LRFN2: variants seen among roughly 807,000 people sequenced by gnomAD.
LRFN2 encodes leucine-rich repeat and fibronectin type-III domain-containing protein 2.
LRFN2 carries 18 observed loss-of-function variants against 37.3 expected under a neutral mutation model. The ratio of observed to expected loss-of-function variants is 0.48; its 90% CI spans 0.33 to 0.72. LRFN2 has a LOEUF of 0.72. Among genes scored for constraint, LRFN2 ranks in the 30% least tolerant of loss-of-function variants. LRFN2 has a pLI of 0.02. For synonymous variants in LRFN2, 556 were observed against 466.6 expected, an observed-to-expected ratio of 1.19 and a Z score of -2.47; for missense variants, 1,006 against 1,060.7, an observed-to-expected ratio of 0.95 and a Z score of 0.72.
At position 40,491,698 on chromosome 6, in the gene LRFN2, G is replaced by T. The variant is rs541570809; in HGVS notation, c.-18-58567C>A. Among the ~76,000 whole-genome samples, 196 of 142,028 alleles carry T rather than the reference G, an allele frequency of 1.4e-3. 1 individual carries two copies. Among genetic ancestry groups the T allele is most frequent in the Middle Eastern group, 7.8e-3 (2 of 258 alleles). The allele number at this position is 142,028 out of a possible 152,430, so 93.2% of individuals were successfully genotyped here. ...TAGGCAGCTTACCCTCTCTGAGTGT[G>T]TTTCCCTCACTCTATTTTGCCGTGT... On this transcript the variant is annotated intron_variant, in intron 1 of 2. Coordinates refer to ENST00000338305, the MANE Select transcript of LRFN2 (RefSeq NM_020737.3).
chr6:40,531,671 C>T (rs905750849), intron 1 of LRFN2, among the ~76,000 whole-genome samples: 12 of 152,178 alleles, frequency 7.9e-5, no homozygotes, highest in African/African-American at 2.2e-4. Flanking sequence ...TTTATGAGGC[C>T]GATTCCCATG....
chr6:40,489,874 G>A (rs144692705), intron 1 of LRFN2, among the ~76,000 whole-genome samples: 2 of 152,244 alleles, frequency 1.3e-5, no homozygotes, highest in African/African-American at 2.4e-5. Flanking sequence ...GCTGCACTCC[G>A]TAGGCATGCC....
At chr6:40,458,265 T>C (rs1764276196) in intron 1 of LRFN2, among the ~76,000 whole-genome samples, 1 of 152,208 alleles carries the variant, frequency 6.6e-6, no homozygotes, top group Non-Finnish European at 1.5e-5. Context: ...GTATAAATTA[T>C]GCCAGGTTAG....
chr6:40,557,634 C>G (rs1766914875), intron 1 of LRFN2, among the ~76,000 whole-genome samples: 1 of 152,088 alleles, frequency 6.6e-6, no homozygotes, highest in African/African-American at 2.4e-5. Context: ...GCAGAGATAC[C>G]ACAGCCAGGA....
chr6:40,562,430 T>G, intron 1 of LRFN2, among the ~76,000 whole-genome samples: 1 of 149,714 alleles, frequency 6.7e-6, no homozygotes. Context: ...ACAAGTACGG[T>G]ACAGGGGGAG....
At chr6:40,580,873 A>T (rs1767384756) in intron 1 of LRFN2, among the ~76,000 whole-genome samples, 2 of 152,190 alleles carry the variant, frequency 1.3e-5, no homozygotes, top group African/African-American at 4.8e-5. Context: ...AAGTGTGAGT[A>T]TTTGGGAGTG....
intron 1 of LRFN2, among the ~76,000 whole-genome samples, chr6:40,472,272 T>C (rs1764616077): frequency 6.6e-6 from 1 of 152,202 alleles, no homozygotes; most frequent in African/African-American, 2.4e-5. Flanking sequence ...GTCAAGACAA[T>C]TGGTCGATTC....
Position 40,392,136 on chromosome 6 carries a change from A to G in LRFN2, c.2177T>C (p.Met726Thr). Residue 726 changes from methionine to threonine, a missense_variant, in exon 3 of 3, where the codon ATG becomes ACG. Physicochemically the swap from Met to Thr is moderately conservative, Grantham distance 81. This residue lies in a region of LRFN2 where 398 missense variants were observed against 327.6 expected (regional missense o/e 1.21). Coordinates refer to ENST00000338305, the MANE Select transcript of LRFN2 (RefSeq NM_020737.3). This position sits in a 1 kb window ranked among gnomAD's most constrained non-coding sequence, Gnocchi z 4.7. The part of the protein sequence containing the change: ...GKAKRSHSFD[M>T]GDFAAAAAGG... Reference sequence around the variant, plus strand: ...CGCCGCCGCAGCAGCAAAGTCCCCCATGTCGAAGGAGTGGCTGCGTTTGGC... The same window carrying G: ...CGCCGCCGCAGCAGCAAAGTCCCCCGTGTCGAAGGAGTGGCTGCGTTTGGC... 6.2e-7 allele frequency: 1 copy of G among 1,611,720 alleles called. No homozygotes were observed. Among genetic ancestry groups the G allele is most frequent in the Non-Finnish European group, 8.5e-7 (1 of 1,178,964 alleles).
intron 1 of LRFN2, among the ~76,000 whole-genome samples, chr6:40,514,319 G>A (rs1765796154): frequency 1.3e-5 from 2 of 151,878 alleles, no homozygotes; most frequent in South Asian, 4.2e-4. Context: ...TTTTTTGTTT[G>A]TTTTGTTTTT....
rs139643646 is a variant in LRFN2, at chr6:40,578,037, T to C, written c.-19+8904A>G. On this transcript the variant is annotated intron_variant, in intron 1 of 2. Coordinates refer to ENST00000338305, the MANE Select transcript of LRFN2 (RefSeq NM_020737.3). ...GAGTGCTCCCAGCACAGCCCCGCCC[T>C]CACATAAGCATTCAACAACCCTATA... Among the ~76,000 whole-genome samples, 24 of 152,080 alleles carry C rather than the reference T, an allele frequency of 1.6e-4. 1 individual carries two copies. The highest frequency in any genetic ancestry group is 6.8e-3 in the Middle Eastern group (2 of 294).
chr6:40,476,534 G>A (rs550984567), intron 1 of LRFN2, among the ~76,000 whole-genome samples: 5 of 152,360 alleles, frequency 3.3e-5, no homozygotes, highest in African/African-American at 9.6e-5. Context: ...GTTAGCAGGG[G>A]TAGCCCCTAG....
chr6:40,452,792 G>A (rs1764141968), intron 1 of LRFN2, among the ~76,000 whole-genome samples: 1 of 151,922 alleles, frequency 6.6e-6, no homozygotes, highest in Non-Finnish European at 1.5e-5. Flanking sequence ...ACAGAGAGGA[G>A]GTCACACAAA....
At chr6:40,440,190 T>G (rs1763799143) in intron 1 of LRFN2, among the ~76,000 whole-genome samples, 1 of 152,006 alleles carries the variant, frequency 6.6e-6, no homozygotes, top group Non-Finnish European at 1.5e-5. Flanking sequence ...CCCATTAGGC[T>G]CTTTTTAAAC....
chr6:40,439,283 T>A lies in LRFN2; in HGVS notation c.-18-6152A>T, dbSNP rs1763774795. Among the ~76,000 whole-genome samples, 3 of 152,060 alleles carry A rather than the reference T, an allele frequency of 2.0e-5. No homozygotes were observed. In the South Asian group the frequency reaches 6.2e-4, roughly 31 times the overall value. On this transcript the variant is annotated intron_variant, in intron 1 of 2. Coordinates refer to ENST00000338305, the MANE Select transcript of LRFN2 (RefSeq NM_020737.3). ...GCTTCAGGTAAAAAGAAATGGCCCC[T>A]CCAGGGTGCTCCAGGCCTGGAAAGT...
intron 1 of LRFN2, among the ~76,000 whole-genome samples, chr6:40,560,729 G>T (rs898811490): frequency 6.6e-5 from 10 of 152,204 alleles, no homozygotes; most frequent in African/African-American, 2.4e-4. Flanking sequence ...GAATAGAATA[G>T]ATAACAGGGC....
intron 1 of LRFN2, among the ~76,000 whole-genome samples, chr6:40,495,469 T>C (rs953703250): frequency 6.6e-6 from 1 of 152,198 alleles, no homozygotes; most frequent in African/African-American, 2.4e-5. Context: ...ATGTTGGGCA[T>C]TTACTCCTAC....
At chr6:40,567,530 C>T (rs762583246) in intron 1 of LRFN2, among the ~76,000 whole-genome samples, 2 of 152,216 alleles carry the variant, frequency 1.3e-5, no homozygotes, top group Non-Finnish European at 2.9e-5. Flanking sequence ...CCTTGACTTC[C>T]TCTCTGTGTC....
chr6:40,482,495 C>T (rs1239234958), intron 1 of LRFN2, among the ~76,000 whole-genome samples: 1 of 152,210 alleles, frequency 6.6e-6, no homozygotes, highest in Non-Finnish European at 1.5e-5. Context: ...CAGCCATCTC[C>T]AGCACTCCCC....
intron 1 of LRFN2, among the ~76,000 whole-genome samples, chr6:40,520,717 G>A (rs550805571): frequency 6.6e-6 from 1 of 152,136 alleles, no homozygotes; most frequent in Admixed American, 6.5e-5. Context: ...GCTGCAGTAG[G>A]GGGAGGGAGG....
Sources: allele counts gnomAD v4.1 joint callset (sites outside exome capture counted in the v4.1 genomes callset), GRCh38; gene constraint gnomAD v4.1.1; regional missense constraint gnomAD v4.1.1; non-coding constraint Gnocchi (gnomAD v3.1); transcripts MANE v1.5; gene names NCBI Gene and HGNC (gene_info 2026-07-23, HGNC 2026-07-21).